The following F9 variants were observed in gnomAD, a reference collection of about 807,000 sequenced individuals.
F9 encodes the protein Christmas factor.
A neutral mutation model predicts 34.1 loss-of-function variants in F9; 2 were observed. The observed-to-expected ratio is 0.06, with a 90% CI of 0.02 to 0.18. The LOEUF is 0.18. Among genes scored for constraint, F9 ranks in the 10% least tolerant of loss-of-function variants. The pLI, the probability that F9 is intolerant of heterozygous loss-of-function variation, is 1.00. For synonymous variants in F9, 137 were observed against 118.8 expected (o/e 1.15, Z -1.00); for missense variants, 216 against 345.1 (o/e 0.63, Z 2.96).
intron 6 of F9, among the ~76,000 whole-genome samples, chrX:139,559,901 C>T (rs1569332431): frequency 1.8e-5 from 2 of 112,336 alleles, no homozygotes; most frequent in Non-Finnish European, 1.9e-5. Flanking sequence ...CACTTGCTTA[C>T]AACTGGAACT....
chrX:139,563,272 A>C lies in F9; in HGVS notation c.*1201A>C. The stretch of plus-strand genomic sequence containing the variant: ...TAACTAGCATACCCCGAAGTGGAGA[A>C]GGGTGCAGCAGGCTCAAAGGCATAA... On this transcript the variant is annotated 3_prime_UTR_variant, in exon 8 of 8. Transcript: ENST00000218099. The C allele has an allele frequency of 9.0e-6, 1 of 110,711 alleles. No homozygotes were observed. The highest frequency in any genetic ancestry group is 1.9e-5 in the Non-Finnish European group (1 of 52,970). The allele number at this position is 110,711 out of a possible 1,213,427, so 9.1% of individuals were successfully genotyped here. A position where few individuals can be genotyped will look rare whatever the true frequency, so the allele number is the denominator to read the frequency against.
chrX:139,536,441 C>A (rs974588501), intron 1 of F9, among the ~76,000 whole-genome samples: 2 of 110,480 alleles, frequency 1.8e-5, no homozygotes, highest in African/African-American at 6.6e-5. Context: ...TAGAGAGATG[C>A]TTAAATCACT....
chrX:139,531,537 A>G (rs747174173), intron 1 of F9, among the ~76,000 whole-genome samples: 38 of 112,496 alleles, frequency 3.4e-4, no homozygotes, highest in African/African-American at 1.2e-3. Flanking sequence ...CCTAGGGGAG[A>G]AAAGCAAGCT....
intron 6 of F9, among the ~76,000 whole-genome samples, chrX:139,559,886 C>A (rs763116083): frequency 8.9e-6 from 1 of 112,180 alleles, no homozygotes; most frequent in Non-Finnish European, 1.9e-5. Context: ...AAAGGTGGAT[C>A]AAGGCACTTG....
chrX:139,547,806 T>G (rs901419449), intron 4 of F9: 1 of 112,488 alleles, frequency 8.9e-6, no homozygotes, highest in Non-Finnish European at 1.9e-5. Flanking sequence ...GACAAAATGT[T>G]AAATGAAAGA....
chrX:139,554,841 A>T (rs1049295602), intron 6 of F9, among the ~76,000 whole-genome samples: 4 of 112,939 alleles, frequency 3.5e-5, no homozygotes, highest in Non-Finnish European at 7.5e-5. Flanking sequence ...TTTATCTTTC[A>T]AATTAGCCAG....
chrX:139,543,722 G>A (rs1053002082), intron 4 of F9, among the ~76,000 whole-genome samples: 12 of 111,939 alleles, frequency 1.1e-4, no homozygotes, highest in African/African-American at 3.2e-4. Flanking sequence ...ATTAGAAAGT[G>A]TTTGTGTTAA....
In F9 at chrX:139,563,406, C is replaced by T. The variant is rs1361583499; in HGVS notation, c.*1335C>T. The T allele has an allele frequency of 8.9e-6, 1 of 111,746 alleles. No homozygotes were observed. Among genetic ancestry groups the T allele is most frequent in the Non-Finnish European group, 1.9e-5 (1 of 53,158 alleles). The allele number at this position is 111,746 out of a possible 1,213,427, so 9.2% of individuals were successfully genotyped here. A position where few individuals can be genotyped will look rare whatever the true frequency, so the allele number is the denominator to read the frequency against. Reference sequence around the variant, plus strand: ...CTTGAATCTTCTAGAGAGTTGCTGACCAACTGACGTATGTTTCCCTTTGTG... The same window carrying T: ...CTTGAATCTTCTAGAGAGTTGCTGATCAACTGACGTATGTTTCCCTTTGTG... On this transcript the variant is annotated 3_prime_UTR_variant, in exon 8 of 8. Coordinates refer to ENST00000218099, the MANE Select transcript of F9 (RefSeq NM_000133.4).
chrX:139,549,403 G>A (rs1048859084), intron 5 of F9, among the ~76,000 whole-genome samples: 47 of 111,123 alleles, frequency 4.2e-4, no homozygotes, highest in Non-Finnish European at 1.3e-4. Context: ...CTAATCCTGC[G>A]GCACTAGAGG....
intron 4 of F9, among the ~76,000 whole-genome samples, chrX:139,541,509 A>C (rs567960519): frequency 8.9e-6 from 1 of 112,090 alleles, no homozygotes; most frequent in South Asian, 3.7e-4. Context: ...ACGGCCAAAA[A>C]TTACAGAGGC....
intron 6 of F9, among the ~76,000 whole-genome samples, chrX:139,559,727 C>T (rs964090076): frequency 8.9e-6 from 1 of 111,891 alleles, no homozygotes; most frequent in Non-Finnish European, 1.9e-5. Context: ...TGGACTACCT[C>T]GTTTCCCTTG....
chrX:139,532,668 TG>T (rs374810124), intron 1 of F9, among the ~76,000 whole-genome samples: 3 of 111,610 alleles, frequency 2.7e-5, no homozygotes, highest in African/African-American at 9.8e-5. Flanking sequence ...ACACATTAAA[TG>T]GGGAAACAAT....
chrX:139,563,341 G>T lies in F9; in HGVS notation c.*1270G>T, dbSNP rs1257609934. 9.0e-6 allele frequency: 1 copy of T among 111,645 alleles called. No homozygotes were observed. The highest frequency in any genetic ancestry group is 3.3e-5 in the African/African-American group (1 of 30,689). 9.2% of individuals were successfully genotyped at this position (111,645 alleles called of 1,213,427 possible). A position where few individuals can be genotyped will look rare whatever the true frequency, so the allele number is the denominator to read the frequency against. On this transcript the variant is annotated 3_prime_UTR_variant, in exon 8 of 8. Transcript: ENST00000218099. Reference sequence around the variant, plus strand: ...CTAAGTTGTCCTTTTCTGGTTTCGTGTTCACCATGGAACATTTTGATTATA... The same window carrying T: ...CTAAGTTGTCCTTTTCTGGTTTCGTTTTCACCATGGAACATTTTGATTATA...
At chrX:139,545,181 C>T (rs1452710710) in intron 4 of F9, 3 of 111,718 alleles carry the variant, frequency 2.7e-5, no homozygotes, top group Non-Finnish European at 1.9e-5. Flanking sequence ...TTCAAACTTT[C>T]CATGTTATGA....
At chrX:139,551,502 G>C (rs1185003928) in intron 6 of F9, among the ~76,000 whole-genome samples, 1 of 111,371 alleles carries the variant, frequency 9.0e-6, no homozygotes, top group East Asian at 2.8e-4. Flanking sequence ...AGCATAGCAG[G>C]ATTCCAGACA....
chrX:139,546,854 A>G (rs755580979), intron 4 of F9, among the ~76,000 whole-genome samples: 1 of 112,255 alleles, frequency 8.9e-6, no homozygotes, highest in Non-Finnish European at 1.9e-5. Context: ...CAATTAAAGG[A>G]TACAATATAG....
chrX:139,552,424 C>T (rs1927867359), intron 6 of F9, among the ~76,000 whole-genome samples: 1 of 111,974 alleles, frequency 8.9e-6, no homozygotes, highest in African/African-American at 3.2e-5. Context: ...ACTTAGCCTA[C>T]AGCTGAAGCC....
chrX:139,538,570 A>G (rs1384215348), intron 3 of F9, among the ~76,000 whole-genome samples: 1 of 111,691 alleles, frequency 9.0e-6, no homozygotes, highest in African/African-American at 3.3e-5. Flanking sequence ...AAATCATGAG[A>G]GAAAAAGAGT....
intron 6 of F9, among the ~76,000 whole-genome samples, chrX:139,555,782 T>C (rs1927954359): frequency 8.9e-6 from 1 of 112,009 alleles, no homozygotes; most frequent in Admixed American, 9.4e-5. Context: ...TCTAGAGGTG[T>C]AGTAAACTAA....
Sources: gnomAD v4.1 joint callset for allele counts (sites outside exome capture counted in the v4.1 genomes callset) on GRCh38, gnomAD v4.1.1 for gene constraint, MANE v1.5 for transcripts, NCBI Gene and HGNC (gene_info 2026-07-23, HGNC 2026-07-21) for gene names.